IPO11: variants seen among roughly 807,000 people sequenced by gnomAD.
IPO11 encodes the protein importin 11.
In IPO11, 66 loss-of-function variants were observed where a neutral mutation model predicts 143.2. The observed-to-expected ratio is 0.46, with a 90% CI of 0.38 to 0.57. The LOEUF is 0.57. Ranked by LOEUF, IPO11 falls within the 20% of genes least tolerant of loss-of-function variation. The probability of loss-of-function intolerance (pLI) is 0.00; values close to 1 mark genes in which losing one functional copy is unlikely to be tolerated. For missense variants in IPO11, 1,026 were observed against 1,141.0 expected, an observed-to-expected ratio of 0.90 and a Z score of 1.45; for synonymous variants, 385 against 377.8, an observed-to-expected ratio of 1.02 and a Z score of -0.22.
chr5:62,440,920 G>A (rs1157891658), intron 2 of IPO11, among the ~76,000 whole-genome samples: 1 of 151,514 alleles, frequency 6.6e-6, no homozygotes, highest in Non-Finnish European at 1.5e-5. Flanking sequence ...CCAAGATCGC[G>A]CCACTGCACT....
chr5:62,543,125 G>A (rs570782791), intron 24 of IPO11, among the ~76,000 whole-genome samples: 8 of 152,192 alleles, frequency 5.3e-5, no homozygotes, highest in Non-Finnish European at 7.4e-5. Flanking sequence ...TTGGAACCAT[G>A]ATATAACACA....
intron 2 of IPO11, among the ~76,000 whole-genome samples, chr5:62,439,284 GTTTTT>G (rs1226593063): frequency 1.1e-3 from 98 of 90,942 alleles, no homozygotes; most frequent in African/African-American, 3.6e-3. Flanking sequence ...AACTGCGTAG[GTTTTT>G]TTTTTTTTTT....
At chr5:62,527,292 A>G (rs1420673628) in intron 21 of IPO11, among the ~76,000 whole-genome samples, 3 of 152,194 alleles carry the variant, frequency 2.0e-5, no homozygotes, top group Non-Finnish European at 4.4e-5. Flanking sequence ...ACTAGACAGG[A>G]CCAGATATTA....
At chr5:62,529,125 C>T (rs1045688154) in intron 21 of IPO11, among the ~76,000 whole-genome samples, 8 of 152,138 alleles carry the variant, frequency 5.3e-5, no homozygotes, top group Non-Finnish European at 1.5e-5. Context: ...AAAATCAGCT[C>T]ATCAACTTTT....
intron 22 of IPO11, among the ~76,000 whole-genome samples, chr5:62,531,877 C>T (rs955597525): frequency 6.6e-6 from 1 of 151,972 alleles, no homozygotes; most frequent in Non-Finnish European, 1.5e-5. Context: ...TCTAGAGTCC[C>T]CATAAAAGGA....
chr5:62,598,493 T>G lies in IPO11; in HGVS notation c.2679-3271T>G, dbSNP rs1580370923. 4.7e-4 allele frequency among the ~76,000 whole-genome samples: 2 copies of G among 4,264 alleles called. 1 individual carries two copies. Among genetic ancestry groups the G allele is most frequent in the Non-Finnish European group, 6.9e-4 (2 of 2,908 alleles). The allele number at this position is 4,264 out of a possible 152,430, so 2.8% of individuals were successfully genotyped here. ...CTCTCTCTCTCTCTCTCTCTCTCTC[T>G]CTTTCTTTCTTTCTTTCTTTCTTTC... On this transcript the variant is annotated intron_variant, in intron 28 of 29. Coordinates refer to ENST00000325324, the MANE Select transcript of IPO11 (RefSeq NM_016338.5).
At chr5:62,435,434 A>T (rs1258364946) in intron 1 of IPO11, among the ~76,000 whole-genome samples, 5 of 150,192 alleles carry the variant, frequency 3.3e-5, no homozygotes, top group Admixed American at 1.3e-4. Flanking sequence ...ACAAAAAATA[A>T]AAAATAAAAA....
At chr5:62,559,764 A>G (rs1743705444) in intron 26 of IPO11, among the ~76,000 whole-genome samples, 1 of 151,970 alleles carries the variant, frequency 6.6e-6, no homozygotes, top group South Asian at 2.1e-4. Flanking sequence ...TAAAAATACA[A>G]AATTAGCCAG....
At chr5:62,449,672 GC>G in intron 3 of IPO11, 1 of 270,334 alleles carries the variant, frequency 3.7e-6, no homozygotes, top group South Asian at 1.4e-4. Context: ...TATCTGATGT[GC>G]CAGTGTACAA....
At chr5:62,455,233 A>G (rs915619879) in intron 5 of IPO11, among the ~76,000 whole-genome samples, 1 of 152,210 alleles carries the variant, frequency 6.6e-6, no homozygotes, top group Non-Finnish European at 1.5e-5. Flanking sequence ...AGTTTCCTAC[A>G]TAAAAAAATG....
At chr5:62,472,915 C>T (rs910641669) in intron 7 of IPO11, among the ~76,000 whole-genome samples, 1 of 152,144 alleles carries the variant, frequency 6.6e-6, no homozygotes, top group African/African-American at 2.4e-5. Context: ...TGAAGGCAGG[C>T]ACAGTGATAA....
rs776290688 is a variant in IPO11, at chr5:62,474,475, T to C, written c.757+11T>C. On this transcript the variant is annotated intron_variant, in intron 8 of 29. Coordinates refer to ENST00000325324, the MANE Select transcript of IPO11 (RefSeq NM_016338.5). ...AGTTTCTGGAATGCAGTAAGTACTT[T>C]CGTTGCAGTCCTTTTTACTGTAGAA... 12 of 1,569,540 alleles carry C rather than the reference T, an allele frequency of 7.6e-6. No individual in the cohort carries two copies. Among genetic ancestry groups the C allele is most frequent in the Middle Eastern group, 1.7e-4 (1 of 5,972 alleles).
At chr5:62,624,517 C>T (rs1746489966) in intron 29 of IPO11, among the ~76,000 whole-genome samples, 1 of 152,160 alleles carries the variant, frequency 6.6e-6, no homozygotes, top group Non-Finnish European at 1.5e-5. Flanking sequence ...TTGTGGCCAT[C>T]TTGGTTTTGG....
intron 19 of IPO11, among the ~76,000 whole-genome samples, chr5:62,514,187 G>T (rs1406242691): frequency 4.6e-5 from 7 of 151,758 alleles, no homozygotes. Context: ...TCCCAGACGG[G>T]GTGGCGGCCG....
intron 2 of IPO11, among the ~76,000 whole-genome samples, chr5:62,441,496 CTTTTTTTTTTTTTTTTTTT>C (rs995019567): frequency 1.3e-4 from 6 of 47,378 alleles, no homozygotes; most frequent in South Asian, 8.6e-4. Context: ...TGTGCCTGGC[CTTTTTTTTTTTTTTTTTTT>C]TTTTTTTTTT....
intron 29 of IPO11, among the ~76,000 whole-genome samples, chr5:62,613,209 TTTGA>T (rs1474599601): frequency 2.6e-5 from 4 of 152,114 alleles, no homozygotes; most frequent in African/African-American, 7.2e-5. Context: ...GGACATTTTG[TTTGA>T]TTATCTGATT....
At chr5:62,620,468 A>G (rs982721496) in intron 29 of IPO11, among the ~76,000 whole-genome samples, 14 of 149,772 alleles carry the variant, frequency 9.3e-5, no homozygotes, top group African/African-American at 3.2e-4. Flanking sequence ...GCGGTGAGCC[A>G]AGATTGTGCC....
At chr5:62,513,952 C>T (rs1472033499) in intron 19 of IPO11, among the ~76,000 whole-genome samples, 25 of 144,222 alleles carry the variant, frequency 1.7e-4, no homozygotes, top group African/African-American at 5.2e-4. Flanking sequence ...ACATCCCAGA[C>T]GGGGCGGCGG....
rs1028521699 is a variant in IPO11 at position 62,566,103 on chromosome 5, C to T, written c.2582+4846C>T. Among the ~76,000 whole-genome samples, 3 of 152,054 alleles carry T rather than the reference C, an allele frequency of 2.0e-5. No homozygotes were observed. The East Asian group carries it at 5.8e-4, about 29-fold the overall frequency. ...GCAAGAAACAAATGTGTGCATGTGTCTTTATAGTAGAATGATTTGTATTCC... is the reference window on the plus strand; with the variant it reads ...GCAAGAAACAAATGTGTGCATGTGTTTTTATAGTAGAATGATTTGTATTCC... On this transcript the variant is annotated intron_variant, in intron 27 of 29. Coordinates refer to ENST00000325324, the MANE Select transcript of IPO11 (RefSeq NM_016338.5).
Sources: gnomAD v4.1 joint callset for allele counts (sites outside exome capture counted in the v4.1 genomes callset) on GRCh38, gnomAD v4.1.1 for gene constraint, MANE v1.5 for transcripts, NCBI Gene and HGNC (gene_info 2026-07-23, HGNC 2026-07-21) for gene names.